Variants in PALD1 observed in about 807,000 individuals in gnomAD.
PALD1 encodes the protein paladin.
A neutral mutation model predicts 96.0 loss-of-function variants in PALD1; 57 were observed. The ratio of observed to expected loss-of-function variants is 0.59; its 90% CI spans 0.48 to 0.74. The LOEUF (loss-of-function observed/expected upper bound fraction) is 0.74. Ranked by LOEUF, PALD1 falls within the 30% of genes least tolerant of loss-of-function variation. The pLI, the probability that PALD1 is intolerant of heterozygous loss-of-function variation, is 0.00. For synonymous variants in PALD1, 464 were observed against 473.6 expected (o/e 0.98, Z 0.26); for missense variants, 1,063 against 1,143.7 (o/e 0.93, Z 1.02).
intron 1 of PALD1, among the ~76,000 whole-genome samples, chr10:70,507,797 T>C (rs1846424652): frequency 6.7e-6 from 1 of 148,190 alleles, no homozygotes; most frequent in Admixed American, 6.7e-5. Flanking sequence ...GTGTGGTGTA[T>C]GTATGTGTTC....
At chr10:70,513,530 G>T (rs1564692095) in intron 1 of PALD1, among the ~76,000 whole-genome samples, 1 of 152,014 alleles carries the variant, frequency 6.6e-6, no homozygotes, top group Admixed American at 6.6e-5. Flanking sequence ...AAAAAAGGAA[G>T]AGTGCAGTAA....
rs373368434 is a variant in PALD1 at position 70,539,556 on chromosome 10, G to A, written c.1726-24G>A. 1.7e-5 allele frequency: 27 copies of A among 1,578,538 alleles called. No homozygotes were observed. In the African/African-American group the frequency reaches 3.5e-4, roughly 21 times the overall value. On this transcript the variant is annotated intron_variant, in intron 14 of 19. Transcript: ENST00000263563. This position sits in a 1 kb window ranked among gnomAD's most constrained non-coding sequence, Gnocchi z 4.5. The stretch of plus-strand genomic sequence containing the variant: ...CCTAGAGCCTGCCCCAGTGGCCTGT[G>A]TCCTCCCTCCTGCCCTTGCCCAGAC...
chr10:70,563,076 T>C (rs1174678372), intron 18 of PALD1, among the ~76,000 whole-genome samples: 1 of 123,296 alleles, frequency 8.1e-6, no homozygotes, highest in Non-Finnish European at 1.9e-5. Context: ...ACAATCCCGA[T>C]GCCCAGGCTA....
intron 11 of PALD1, 22 bp from the exon 12 acceptor site, chr10:70,538,258 G>T (rs200648207): frequency 2.5e-6 from 4 of 1,599,394 alleles, no homozygotes; most frequent in Non-Finnish European, 3.4e-6. Flanking sequence ...TGAATTCCTC[G>T]TCTCTCTGCC....
chr10:70,491,422 T>C (rs1312487047), intron 1 of PALD1, among the ~76,000 whole-genome samples: 2 of 151,936 alleles, frequency 1.3e-5, no homozygotes, highest in Admixed American at 1.3e-4. Context: ...CACCTGCTTT[T>C]TTTTTCCTAT....
At position 70,538,922 on chromosome 10, in the gene PALD1, C is replaced by T. The variant is rs781503990; in HGVS notation, c.1483C>T (p.Leu495Phe). ...REDDLVSPDA[L>F]STVREMDVAN... ...GGACGATCTGGTCTCCCCGGACGCGCTCAGCACTGTCAGAGAGATGGATGT... is the reference window on the plus strand; with the variant it reads ...GGACGATCTGGTCTCCCCGGACGCGTTCAGCACTGTCAGAGAGATGGATGT... Residue 495 changes from leucine (L) to phenylalanine (F), a missense_variant, in exon 13 of 20, where the codon CTC (leucine) becomes TTC (phenylalanine). Leu to Phe is a conservative substitution (Grantham distance 22, BLOSUM62 0). Transcript: ENST00000263563. 1 of 1,613,730 alleles carries T rather than the reference C, an allele frequency of 6.2e-7. No individual in the cohort carries two copies. Among genetic ancestry groups the T allele is most frequent in the South Asian group, 1.1e-5 (1 of 91,090 alleles).
At chr10:70,478,260 A>G (rs1845860395), upstream of PALD1, among the ~76,000 whole-genome samples, 3 of 152,200 alleles carry the variant, frequency 2.0e-5, no homozygotes, top group African/African-American at 7.2e-5. Flanking sequence ...CGTGGGAGGC[A>G]AAAGTGCAGA....
chr10:70,520,364 T>C (rs1846705694), intron 1 of PALD1, among the ~76,000 whole-genome samples: 1 of 152,244 alleles, frequency 6.6e-6, no homozygotes, highest in Non-Finnish European at 1.5e-5. Flanking sequence ...GGAATGGTGA[T>C]GGTTCATTTC....
chr10:70,541,225 G>T lies in PALD1; in HGVS notation c.2032G>T (p.Ala678Ser). The change falls in exon 16 of 20, where the codon GCC (alanine) becomes TCC (serine). Residue 678 changes from alanine to serine, a missense_variant. By Grantham distance (99) the Ala-to-Ser change is moderately conservative. Coordinates refer to ENST00000263563, the MANE Select transcript of PALD1 (RefSeq NM_014431.3). The part of the protein sequence containing the change: ...TTTAMVVAVL[A>S]FWHIQGFPEV... ...AACTGCGATGGTGGTGGCTGTCCTG[G>T]CCTTCTGGCACATCCAAGTACGTGT... 1 of 1,607,874 alleles carries T rather than the reference G, an allele frequency of 6.2e-7. No homozygotes were observed.
At chr10:70,533,744 G>C (rs534369179) in intron 7 of PALD1, among the ~76,000 whole-genome samples, 178 bp from the exon 8 acceptor site, 2 of 152,356 alleles carry the variant, frequency 1.3e-5, no homozygotes, top group African/African-American at 2.4e-5. Flanking sequence ...CCTGGGGAGG[G>C]AGCAGGTGGA....
At chr10:70,532,007 G>T (rs1309601947) in intron 5 of PALD1, among the ~76,000 whole-genome samples, 1 of 150,826 alleles carries the variant, frequency 6.6e-6, no homozygotes, top group South Asian at 2.1e-4. Context: ...AAAAGAAAAA[G>T]AAAGGGTTCT....
Position 70,553,244 on chromosome 10 carries a change from C to T in PALD1, c.2262+5798C>T, listed in dbSNP as rs148292002. On this transcript the variant is annotated intron_variant, in intron 18 of 19. Coordinates refer to ENST00000263563, the MANE Select transcript of PALD1 (RefSeq NM_014431.3). ...TCCCCTCAGGTGTGTTGGGGACAGA[C>T]AGGCAGGTTCCATGTTTGCTGTTTC... Among the ~76,000 whole-genome samples, 534 of 152,334 alleles carry T rather than the reference C, an allele frequency of 3.5e-3. 4 individuals are homozygous for T. Among genetic ancestry groups the T allele is most frequent in the African/African-American group, 0.012 (508 of 41,574 alleles).
chr10:70,528,835 TC>T (rs1446102776), intron 2 of PALD1, among the ~76,000 whole-genome samples: 4 of 152,184 alleles, frequency 2.6e-5, no homozygotes, highest in Admixed American at 1.3e-4. Context: ...TCTAAGATGT[TC>T]TACCTCTGCC....
intron 19 of PALD1, among the ~76,000 whole-genome samples, chr10:70,565,242 A>T (rs902542859): frequency 5.3e-5 from 8 of 152,160 alleles, no homozygotes; most frequent in Admixed American, 2.6e-4. Context: ...AGCCCACTGT[A>T]TCCTGACCTA....
At chr10:70,506,574 C>T (rs901326346) in intron 1 of PALD1, among the ~76,000 whole-genome samples, 1 of 152,154 alleles carries the variant, frequency 6.6e-6, no homozygotes, top group African/African-American at 2.4e-5. Context: ...AGTGACACTG[C>T]CTGGGGGAGT....
intron 18 of PALD1, among the ~76,000 whole-genome samples, chr10:70,552,802 T>C (rs1410003380): frequency 6.6e-6 from 1 of 152,230 alleles, no homozygotes; most frequent in Non-Finnish European, 1.5e-5. Flanking sequence ...TCACAGGCTT[T>C]TTGCAGCTGG....
rs1845962650 is a variant in PALD1, at chr10:70,483,143, G to GA, written c.-30+4086dup. On this transcript the variant is annotated intron_variant, in intron 1 of 19. Transcript: ENST00000263563. ...AGTTATGGTTGGAGCCTGAGGGAGGGAATGGCTGGCCTGGGGTGTGTGTGA... is the reference window on the plus strand; with the variant it reads ...AGTTATGGTTGGAGCCTGAGGGAGGGAAATGGCTGGCCTGGGGTGTGTGTGA... 5.3e-5 allele frequency among the ~76,000 whole-genome samples: 8 copies of GA among 152,264 alleles called. No homozygotes were observed. The South Asian group carries it at 1.7e-3, about 32-fold the overall frequency.
intron 17 of PALD1, among the ~76,000 whole-genome samples, chr10:70,542,637 C>T (rs952662762): frequency 3.9e-5 from 6 of 152,130 alleles, no homozygotes; most frequent in Non-Finnish European, 8.8e-5. Flanking sequence ...GAATAATATC[C>T]CATTGTATGG....
In PALD1 at chr10:70,539,517, C is replaced by T. The variant is rs1254472992; in HGVS notation, c.1726-63C>T. On this transcript the variant is annotated intron_variant, in intron 14 of 19. Transcript: ENST00000263563. This position sits in a 1 kb window ranked among gnomAD's most constrained non-coding sequence, Gnocchi z 4.5. ...CAGGCCTGGCCATGGCAGGCTGTGG[C>T]CTTTCAGGGCTAGCCTAGAGCCTGC... 5.6e-6 allele frequency: 8 copies of T among 1,434,890 alleles called. No individual in the cohort carries two copies. In the East Asian group the frequency reaches 1.6e-4, roughly 29 times the overall value. 88.9% of individuals were successfully genotyped at this position (1,434,890 alleles called of 1,614,324 possible).
Sources: allele counts gnomAD v4.1 joint callset (sites outside exome capture counted in the v4.1 genomes callset), GRCh38; gene constraint gnomAD v4.1.1; non-coding constraint Gnocchi (gnomAD v3.1); transcripts MANE v1.5; gene names NCBI Gene and HGNC (gene_info 2026-07-23, HGNC 2026-07-21).